TRIP4: variants seen among roughly 807,000 people sequenced by gnomAD.
TRIP4 encodes the protein activating signal cointegrator 1.
A neutral mutation model predicts 81.8 loss-of-function variants in TRIP4; 54 were observed. That is an observed-to-expected ratio of 0.66 (90% CI 0.53 to 0.83). TRIP4 has a LOEUF of 0.83. Ranked by LOEUF, TRIP4 falls within the 40% of genes least tolerant of loss-of-function variation. The pLI is 0.00. For missense variants in TRIP4, 662 were observed against 683.6 expected (o/e 0.97, Z 0.35); for synonymous variants, 270 against 242.8 (o/e 1.11, Z -1.04).
At chr15:64,434,965 C>T (rs767551282) in intron 11 of TRIP4, among the ~76,000 whole-genome samples, 6 of 152,000 alleles carry the variant, frequency 3.9e-5, no homozygotes, top group Non-Finnish European at 7.4e-5. Flanking sequence ...CCTGTAATCC[C>T]AGCACTTTGG....
chr15:64,417,615 A>AGAG (rs1891916284), intron 8 of TRIP4, among the ~76,000 whole-genome samples: 1 of 152,096 alleles, frequency 6.6e-6, no homozygotes, highest in Non-Finnish European at 1.5e-5. Context: ...CTCTCCTGTA[A>AGAG]TTACCTGTAC....
intron 3 of TRIP4, 40 bp from the exon 4 acceptor site, chr15:64,397,566 A>G (rs1447657462): frequency 2.5e-6 from 4 of 1,591,582 alleles, no homozygotes; most frequent in Non-Finnish European, 3.4e-6. Context: ...TTACATTGTC[A>G]TTAATTATTT....
chr15:64,455,187 A>T lies in TRIP4; in HGVS notation c.*123A>T. The T allele has an allele frequency of 1.4e-6, 1 of 735,160 alleles. No individual in the cohort carries two copies. Among genetic ancestry groups the T allele is most frequent in the Non-Finnish European group, 2.1e-6 (1 of 469,290 alleles). 45.5% of individuals were successfully genotyped at this position (735,160 alleles called of 1,614,324 possible). A position where few individuals can be genotyped will look rare whatever the true frequency, so the allele number is the denominator to read the frequency against. On this transcript the variant is annotated 3_prime_UTR_variant, in exon 13 of 13. Transcript: ENST00000261884. Reference sequence around the variant, plus strand: ...TTGGCGTCAGGCTTGAATATCTCAGAACTTAAACTCTTACCAAAATCTGTA... The same window carrying T: ...TTGGCGTCAGGCTTGAATATCTCAGTACTTAAACTCTTACCAAAATCTGTA...
chr15:64,396,864 A>G (rs894028523), intron 3 of TRIP4, among the ~76,000 whole-genome samples: 2 of 152,202 alleles, frequency 1.3e-5, no homozygotes, highest in Non-Finnish European at 2.9e-5. Context: ...TCCTGCCAGC[A>G]GTGTATGAGA....
At chr15:64,425,075 C>G (rs778717308) in intron 10 of TRIP4, among the ~76,000 whole-genome samples, 1 of 152,132 alleles carries the variant, frequency 6.6e-6, no homozygotes, top group Non-Finnish European at 1.5e-5. Context: ...CTGAGCCCGG[C>G]CTAAAAGCAC....
Position 64,415,001 on chromosome 15 carries a change from G to A in TRIP4, c.1170+790G>A, listed in dbSNP as rs11858213. Among the ~76,000 whole-genome samples the A allele has an allele frequency of 8.5e-3, 1,286 of 151,818 alleles. 15 individuals carry two copies. The highest frequency in any genetic ancestry group is 0.029 in the African/African-American group (1,208 of 41,432). ...TCCCAGCTACTTAGGAGGCTGAGTC[G>A]GGAGAATCACCTGAGCCCAGGAGGC... On this transcript the variant is annotated intron_variant, in intron 8 of 12. Transcript: ENST00000261884.
At chr15:64,414,796 G>A (rs1237164439) in intron 8 of TRIP4, among the ~76,000 whole-genome samples, 1 of 151,972 alleles carries the variant, frequency 6.6e-6, no homozygotes. Flanking sequence ...AGCTATCAAT[G>A]GGTTTTATAG....
In TRIP4 at chr15:64,455,280, T is replaced by C; in HGVS notation, c.*216T>C. On this transcript the variant is annotated 3_prime_UTR_variant, in exon 13 of 13. Coordinates refer to ENST00000261884, the MANE Select transcript of TRIP4 (RefSeq NM_016213.5). Reference sequence around the variant, plus strand: ...TCGAAATCTTTGAACACATTATTTATAAAAACCTGTTTAAAAATTCTAAGT... The same window carrying C: ...TCGAAATCTTTGAACACATTATTTACAAAAACCTGTTTAAAAATTCTAAGT... 2.4e-6 allele frequency: 1 copy of C among 411,082 alleles called. No individual in the cohort carries two copies. Among genetic ancestry groups the C allele is most frequent in the Non-Finnish European group, 4.4e-6 (1 of 225,792 alleles). The allele number at this position is 411,082 out of a possible 1,614,324, so 25.5% of individuals were successfully genotyped here. A position where few individuals can be genotyped will look rare whatever the true frequency, so the allele number is the denominator to read the frequency against.
chr15:64,431,843 A>ATTTTTT (rs1412962305), intron 11 of TRIP4, among the ~76,000 whole-genome samples: 5 of 28,892 alleles, frequency 1.7e-4, no homozygotes, highest in Non-Finnish European at 4.2e-4. Context: ...ATATATATAT[A>ATTTTTT]TATATTTTTT....
intron 5 of TRIP4, among the ~76,000 whole-genome samples, chr15:64,404,631 G>A (rs1364613029): frequency 6.6e-6 from 1 of 152,054 alleles, no homozygotes; most frequent in East Asian, 1.9e-4. Flanking sequence ...TTATTAATGA[G>A]GTTGCACATG....
rs745672952 is a variant in TRIP4 at position 64,398,424 on chromosome 15, CAAAAAAAAAA to C, written c.618+623_618+632del. Among the ~76,000 whole-genome samples, 5 of 16,326 alleles carry C rather than the reference CAAAAAAAAAA, an allele frequency of 3.1e-4. No individual in the cohort carries two copies. In the East Asian group the frequency reaches 7.1e-3, roughly 23 times the overall value. 10.7% of individuals were successfully genotyped at this position (16,326 alleles called of 152,430 possible). A position where few individuals can be genotyped will look rare whatever the true frequency, so the allele number is the denominator to read the frequency against. On this transcript the variant is annotated intron_variant, in intron 4 of 12. Coordinates refer to ENST00000261884, the MANE Select transcript of TRIP4 (RefSeq NM_016213.5). ...GCAATGTAGGAAGACCCTGTCTCTA[CAAAAAAAAAA>C]AAAAAAAAAAAAAAAAGTTTTTAAT...
At chr15:64,410,511 T>G (rs1027724233) in intron 7 of TRIP4, among the ~76,000 whole-genome samples, 2 of 152,222 alleles carry the variant, frequency 1.3e-5, no homozygotes, top group Non-Finnish European at 2.9e-5. Context: ...TAATTAAATA[T>G]GTTATTTTGG....
chr15:64,416,564 A>G (rs538861036), intron 8 of TRIP4, among the ~76,000 whole-genome samples: 1 of 152,058 alleles, frequency 6.6e-6, no homozygotes, highest in Non-Finnish European at 1.5e-5. Context: ...CTCAAAAAAA[A>G]TTTTTTTTAA....
At chr15:64,416,564 AT>A (rs1295996869) in intron 8 of TRIP4, among the ~76,000 whole-genome samples, 1 of 152,058 alleles carries the variant, frequency 6.6e-6, no homozygotes, top group Non-Finnish European at 1.5e-5. Flanking sequence ...CTCAAAAAAA[AT>A]TTTTTTTAAA....
intron 6 of TRIP4, among the ~76,000 whole-genome samples, chr15:64,408,883 G>A (rs914523235): frequency 2.6e-5 from 4 of 152,066 alleles, no homozygotes; most frequent in Non-Finnish European, 1.5e-5. Context: ...TGGGGTATAG[G>A]TAATGACATA....
chr15:64,454,892 A>G, intron 12 of TRIP4, 105 bp from the exon 13 acceptor site: 4 of 995,198 alleles, frequency 4.0e-6, no homozygotes, highest in Admixed American at 4.2e-5. Context: ...AAGTAAGATA[A>G]TTGAATGTGA....
chr15:64,392,245 C>G (rs1441080637), intron 1 of TRIP4, among the ~76,000 whole-genome samples: 1 of 151,988 alleles, frequency 6.6e-6, no homozygotes, highest in Non-Finnish European at 1.5e-5. Flanking sequence ...TTGCAGTGAG[C>G]TGAGATCGCA....
chr15:64,415,531 T>C (rs570551389), intron 8 of TRIP4, among the ~76,000 whole-genome samples: 23 of 152,318 alleles, frequency 1.5e-4, no homozygotes, highest in Admixed American at 2.6e-4. Context: ...TTCTGGTGGC[T>C]CTAGGTGTCT....
chr15:64,415,000 C>T (rs541258053), intron 8 of TRIP4, among the ~76,000 whole-genome samples: 3 of 151,522 alleles, frequency 2.0e-5, no homozygotes, highest in Admixed American at 6.6e-5. Flanking sequence ...GAGGCTGAGT[C>T]GGGAGAATCA....
Sources: gnomAD v4.1 joint callset for allele counts (sites outside exome capture counted in the v4.1 genomes callset) on GRCh38, gnomAD v4.1.1 for gene constraint, MANE v1.5 for transcripts, NCBI Gene and HGNC (gene_info 2026-07-23, HGNC 2026-07-21) for gene names.